Variants in SLC22A15 observed in about 807,000 individuals in gnomAD.
The protein encoded by SLC22A15 is flipt 1.
SLC22A15 carries 45 observed loss-of-function variants against 62.7 expected under a neutral mutation model. The observed-to-expected ratio is 0.72, with a 90% confidence interval of 0.56 to 0.92. The LOEUF (loss-of-function observed/expected upper bound fraction) is 0.92. Ranked by LOEUF, SLC22A15 falls within the 40% of genes least tolerant of loss-of-function variation. The pLI, the probability that SLC22A15 is intolerant of heterozygous loss-of-function variation, is 0.00. For missense variants in SLC22A15, 622 were observed against 665.6 expected, an observed-to-expected ratio of 0.93 and a Z score of 0.72; for synonymous variants, 264 against 267.0, an observed-to-expected ratio of 0.99 and a Z score of 0.11.
At chr1:115,991,978 A>G (rs574327990) in intron 1 of SLC22A15, 53 bp from the exon 2 acceptor site, 1 of 1,522,848 alleles carries the variant, frequency 6.6e-7, no homozygotes, top group African/African-American at 1.4e-5. Flanking sequence ...AAGTGTCTTC[A>G]ACATTGATGG....
intron 2 of SLC22A15, among the ~76,000 whole-genome samples, chr1:116,007,498 C>T (rs1361437575): frequency 6.6e-6 from 1 of 152,216 alleles, no homozygotes; most frequent in East Asian, 1.9e-4. Context: ...ACTCCACAAC[C>T]TCCATGGGAT....
At chr1:116,013,506 G>A (rs528948118) in intron 2 of SLC22A15, among the ~76,000 whole-genome samples, 9 of 152,098 alleles carry the variant, frequency 5.9e-5, no homozygotes, top group African/African-American at 9.7e-5. Flanking sequence ...AGAGTATTAC[G>A]TGAAAGTTCG....
intron 11 of SLC22A15, 24 bp downstream of exon 11, chr1:116,066,732 A>T (rs1242856985): frequency 1.9e-6 from 3 of 1,594,460 alleles, no homozygotes; most frequent in African/African-American, 1.3e-5. Flanking sequence ...CTTAATTATT[A>T]TACCGCTTGG....
intron 4 of SLC22A15, among the ~76,000 whole-genome samples, chr1:116,022,277 A>G (rs1404529048): frequency 6.6e-6 from 1 of 152,130 alleles, no homozygotes; most frequent in Non-Finnish European, 1.5e-5. Context: ...TGAGTCTTCA[A>G]TTTGCATTGA....
At chr1:116,020,998 C>A in intron 4 of SLC22A15, 113 bp downstream of exon 4, 1 of 943,502 alleles carries the variant, frequency 1.1e-6, no homozygotes, top group Non-Finnish European at 1.5e-6. Context: ...GTACTTTATC[C>A]AACTATTAGA....
chr1:116,056,929 G>A (rs1185872821), intron 8 of SLC22A15, among the ~76,000 whole-genome samples: 6 of 151,874 alleles, frequency 4.0e-5, no homozygotes, highest in African/African-American at 7.3e-5. Flanking sequence ...AGACTTAAAC[G>A]TTAGACCTAA....
rs533931437 is a variant in SLC22A15 at position 116,019,025 on chromosome 1, A to G, written c.301-557A>G. 3.9e-5 allele frequency among the ~76,000 whole-genome samples: 6 copies of G among 152,346 alleles called. No individual in the cohort carries two copies. The South Asian group carries it at 1.2e-3, about 32-fold the overall frequency. On this transcript the variant is annotated intron_variant, in intron 2 of 11. Transcript: ENST00000369503. ...TTTAGCTATTGCAAATACAGGTGCTATGAACATGGGTGTACAAATATCTTT... is the reference window on the plus strand; with the variant it reads ...TTTAGCTATTGCAAATACAGGTGCTGTGAACATGGGTGTACAAATATCTTT...
At chr1:116,019,275 C>CA (rs1389165772) in intron 2 of SLC22A15, among the ~76,000 whole-genome samples, 1 of 152,218 alleles carries the variant, frequency 6.6e-6, no homozygotes, top group Non-Finnish European at 1.5e-5. Flanking sequence ...TCAAGAAACA[C>CA]AGAGCCTTAG....
At chr1:115,994,730 C>T (rs192467630) in intron 2 of SLC22A15, among the ~76,000 whole-genome samples, 216 of 152,214 alleles carry the variant, frequency 1.4e-3, no homozygotes, top group Non-Finnish European at 2.5e-3. Context: ...GATACTTCAG[C>T]GTGTATTTAC....
chr1:116,026,432 A>T (rs1426642494), intron 4 of SLC22A15, among the ~76,000 whole-genome samples: 1 of 152,050 alleles, frequency 6.6e-6, no homozygotes, highest in Non-Finnish European at 1.5e-5. Flanking sequence ...TCTCAAAAAA[A>T]AAAGGGAAGG....
Position 116,067,127 on chromosome 1 carries a change from T to A in SLC22A15, c.*19T>A, listed in dbSNP as rs1372305430. On this transcript the variant is annotated 3_prime_UTR_variant, in exon 12 of 12. Coordinates refer to ENST00000369503, the MANE Select transcript of SLC22A15 (RefSeq NM_018420.3). ...CAAGTGAAGAGCCCCAGATTCCCCC[T>A]AAGAAGCAAAGGATCGTCTTTTATG... 1 of 1,595,526 alleles carries A rather than the reference T, an allele frequency of 6.3e-7. No individual in the cohort carries two copies. The highest frequency in any genetic ancestry group is 8.6e-7 in the Non-Finnish European group (1 of 1,167,630).
chr1:116,040,216 T>G (rs1234591343), intron 8 of SLC22A15, among the ~76,000 whole-genome samples: 1 of 152,196 alleles, frequency 6.6e-6, no homozygotes, highest in East Asian at 1.9e-4. Flanking sequence ...GGTTTATAAT[T>G]GTTAGACAGA....
intron 10 of SLC22A15, among the ~76,000 whole-genome samples, chr1:116,065,036 TGTATA>T (rs1264873712): frequency 6.6e-6 from 1 of 152,120 alleles, no homozygotes; most frequent in Non-Finnish European, 1.5e-5. Flanking sequence ...CTTTCTAACT[TGTATA>T]GTCAAAGAAA....
chr1:115,979,986 A>G (rs978861726), intron 1 of SLC22A15, among the ~76,000 whole-genome samples: 2 of 150,188 alleles, frequency 1.3e-5, no homozygotes, highest in Non-Finnish European at 3.0e-5. Context: ...TTATATATAT[A>G]TTAAGTATAT....
At position 116,011,838 on chromosome 1, in the gene SLC22A15, T is replaced by G. The variant is rs561453092; in HGVS notation, c.301-7744T>G. Among the ~76,000 whole-genome samples the G allele has an allele frequency of 3.9e-5, 6 of 152,174 alleles. No homozygotes were observed. The South Asian group carries it at 8.3e-4, about 21-fold the overall frequency. On this transcript the variant is annotated intron_variant, in intron 2 of 11. Coordinates refer to ENST00000369503, the MANE Select transcript of SLC22A15 (RefSeq NM_018420.3). ...GCACAGTGCATACTGAGAGTGGTCT[T>G]TTTGGCAGGTGTCATGCTTCATGGC...
intron 8 of SLC22A15, among the ~76,000 whole-genome samples, chr1:116,052,279 G>A (rs1030438195): frequency 6.6e-6 from 1 of 152,216 alleles, no homozygotes; most frequent in Non-Finnish European, 1.5e-5. Flanking sequence ...CTACGCCCAC[G>A]GAGTCTCACT....
intron 10 of SLC22A15, 78 bp downstream of exon 10, chr1:116,064,586 G>A (rs1658454812): frequency 1.1e-6 from 1 of 913,320 alleles, no homozygotes; most frequent in Admixed American, 1.9e-5. Flanking sequence ...AGAAAGAGGT[G>A]ATGAACAGAT....
At position 116,067,165 on chromosome 1, in the gene SLC22A15, G is replaced by A. The variant is rs557988781; in HGVS notation, c.*57G>A. 287 of 1,373,892 alleles carry A rather than the reference G, an allele frequency of 2.1e-4. 3 individuals carry two copies. In the South Asian group the frequency reaches 3.4e-3, roughly 16 times the overall value. 85.1% of individuals were successfully genotyped at this position (1,373,892 alleles called of 1,614,324 possible). ...ATCGTCTTTTATGCCTCTGGCTAAG[G>A]CAGGTTCTTCCATGACTCCTAAGAG... On this transcript the variant is annotated 3_prime_UTR_variant, in exon 12 of 12. Coordinates refer to ENST00000369503, the MANE Select transcript of SLC22A15 (RefSeq NM_018420.3).
intron 5 of SLC22A15, among the ~76,000 whole-genome samples, chr1:116,029,666 G>A (rs1359867778): frequency 1.3e-5 from 2 of 152,158 alleles, no homozygotes; most frequent in East Asian, 3.8e-4. Flanking sequence ...TTAACTCAGA[G>A]CCGAATTTCT....
Sources: gnomAD v4.1 joint callset for allele counts (sites outside exome capture counted in the v4.1 genomes callset) on GRCh38, gnomAD v4.1.1 for gene constraint, MANE v1.5 for transcripts, NCBI Gene and HGNC (gene_info 2026-07-23, HGNC 2026-07-21) for gene names.